SMUG1: variants seen among roughly 807,000 people sequenced by gnomAD.
The protein encoded by SMUG1 is single-strand-selective monofunctional uracil-DNA glycosylase 1, also known as single-strand selective monofunctional uracil DNA glycosylase.
In SMUG1, 13 loss-of-function variants were observed where a neutral mutation model predicts 23.9. The ratio of observed to expected loss-of-function variants is 0.54; its 90% CI spans 0.35 to 0.86. SMUG1 has a LOEUF of 0.86. SMUG1 is among the 40% of genes least tolerant of loss of function. The probability of loss-of-function intolerance (pLI) is 0.01; values close to 1 mark genes in which losing one functional copy is unlikely to be tolerated. For synonymous variants in SMUG1, 133 were observed against 139.8 expected, an observed-to-expected ratio of 0.95 and a Z score of 0.34; for missense variants, 313 against 339.5, an observed-to-expected ratio of 0.92 and a Z score of 0.61.
intron 3 of SMUG1, among the ~76,000 whole-genome samples, chr12:54,166,229 C>T (rs560253787): frequency 1.2e-3 from 190 of 152,220 alleles, no homozygotes; most frequent in African/African-American, 4.4e-3. Flanking sequence ...GACGTGGTGG[C>T]GGGAGCCTGT....
chr12:54,183,901 C>T lies in SMUG1; in HGVS notation c.40G>A (p.Ala14Thr), dbSNP rs754218312. Residue 14 changes from alanine to threonine, a missense_variant, in exon 3 of 4, where the codon GCA becomes ACA. Coordinates refer to ENST00000682136, the MANE Select transcript of SMUG1 (RefSeq NM_001243787.2). Reference protein sequence around the residue: ...AFLLGSIHEPAGALMEPQPCP... With the variant: ...AFLLGSIHEPTGALMEPQPCP... The stretch of plus-strand genomic sequence containing the variant: ...GGCTGGGGCTCCATGAGGGCACCTG[C>T]AGGCTCATGGATGGACCCCAGCAGG... 85 of 1,603,400 alleles carry T rather than the reference C, an allele frequency of 5.3e-5. No homozygotes were observed. The East Asian group carries it at 1.8e-3, about 35-fold the overall frequency.
At chr12:54,186,351 T>TTTTG (rs1309637934) in intron 2 of SMUG1, among the ~76,000 whole-genome samples, 2 of 25,888 alleles carry the variant, frequency 7.7e-5, no homozygotes, top group East Asian at 1.1e-3. Context: ...TTTTGTTTTG[T>TTTTG]TTTTTTTTTG....
intron 3 of SMUG1, among the ~76,000 whole-genome samples, chr12:54,169,402 G>A (rs1199351389): frequency 6.6e-6 from 1 of 152,088 alleles, no homozygotes; most frequent in Admixed American, 6.5e-5. Flanking sequence ...ATGAATGAGG[G>A]ATGGGGAAGA....
rs140406015 is a variant in SMUG1 at position 54,165,882 on chromosome 12, A to G, written c.*53-404T>C. 4.6e-5 allele frequency among the ~76,000 whole-genome samples: 7 copies of G among 152,298 alleles called. No individual in the cohort carries two copies. In the East Asian group the frequency reaches 1.3e-3, roughly 29 times the overall value. ...GTAGCTTAAAAGCCTCTTCGCCTAC[A>G]CCAGAAATAAACTGAGCACCTACTA... is the stretch of plus-strand genomic sequence containing the variant. On this transcript the variant is annotated intron_variant and NMD_transcript_variant, in intron 3 of 4. Transcript: ENST00000509864.
intron 1 of SMUG1, chr12:54,188,692 C>T (rs1363228865): frequency 6.6e-6 from 1 of 152,126 alleles, no homozygotes; most frequent in Non-Finnish European, 1.5e-5. Context: ...CATCTGGTTC[C>T]AAAGGGGCCG....
intron 3 of SMUG1, among the ~76,000 whole-genome samples, chr12:54,171,592 A>G (rs1490181480): frequency 6.9e-6 from 1 of 144,140 alleles, no homozygotes; most frequent in African/African-American, 2.6e-5. Flanking sequence ...CCGGAGGCTG[A>G]GGCAGAATTG....
At chr12:54,160,833 C>T (rs1940230821), downstream of SMUG1, among the ~76,000 whole-genome samples, 1 of 152,242 alleles carries the variant, frequency 6.6e-6, no homozygotes, top group African/African-American at 2.4e-5. Flanking sequence ...GTCTCTCAGC[C>T]CTGCTGGACA....
At chr12:54,176,996 C>T (rs900583730), downstream of SMUG1, among the ~76,000 whole-genome samples, 5 of 152,050 alleles carry the variant, frequency 3.3e-5, no homozygotes, top group Non-Finnish European at 7.4e-5. Context: ...CTTGAAATAC[C>T]ATCACTAGGC....
chr12:54,185,516 ATAAATAAAT>A, intron 2 of SMUG1, among the ~76,000 whole-genome samples: 3 of 101,770 alleles, frequency 2.9e-5, no homozygotes, highest in African/African-American at 6.6e-5. Context: ...AAATAAATAA[ATAAATAAAT>A]AAATTTGCCG....
chr12:54,179,552 G>A (rs1940837473), downstream of SMUG1, among the ~76,000 whole-genome samples: 2 of 152,150 alleles, frequency 1.3e-5, no homozygotes, highest in Non-Finnish European at 2.9e-5. Flanking sequence ...AGAAGGAAAG[G>A]AGTCTATGGC....
chr12:54,176,738 C>T (rs374591841), downstream of SMUG1, among the ~76,000 whole-genome samples: 2 of 148,252 alleles, frequency 1.3e-5, no homozygotes, highest in Non-Finnish European at 3.0e-5. Flanking sequence ...ACCCGGGAAG[C>T]GGAGCTTGCA....
chr12:54,181,994 C>T lies in SMUG1; in HGVS notation c.*102G>A. 6.6e-7 allele frequency: 1 copy of T among 1,507,752 alleles called. No homozygotes were observed. Among genetic ancestry groups the T allele is most frequent in the Non-Finnish European group, 8.8e-7 (1 of 1,130,478 alleles). 93.4% of individuals were successfully genotyped at this position (1,507,752 alleles called of 1,614,324 possible). A position where few individuals can be genotyped will look rare whatever the true frequency, so the allele number is the denominator to read the frequency against. On this transcript the variant is annotated 3_prime_UTR_variant, in exon 4 of 4. Coordinates refer to ENST00000682136, the MANE Select transcript of SMUG1 (RefSeq NM_001243787.2). The stretch of plus-strand genomic sequence containing the variant: ...TACGTTTCCCAGCGACCAGGGTGCA[C>T]AGAAGGACCTTTTGCTCCAGTCCAG...
intron 2 of SMUG1, 87 bp from the exon 3 acceptor site, chr12:54,184,046 T>G (rs542333333): frequency 8.4e-7 from 1 of 1,192,942 alleles, no homozygotes; most frequent in Admixed American, 2.9e-5. Flanking sequence ...CACTACCATT[T>G]CCTGGGCTCA....
chr12:54,184,905 T>C (rs1399508656), intron 2 of SMUG1, among the ~76,000 whole-genome samples: 3 of 152,260 alleles, frequency 2.0e-5, no homozygotes, highest in Admixed American at 2.0e-4. Context: ...GGCTCATGCC[T>C]GTAATCCCAG....
chr12:54,181,964 A>T lies in SMUG1; in HGVS notation c.*132T>A, dbSNP rs1007820452. ...GGTTGGAAGACAGTTCAACAGATCA[A>T]AGAATACGTTTCCCAGCGACCAGGG... On this transcript the variant is annotated 3_prime_UTR_variant, in exon 4 of 4. Coordinates refer to ENST00000682136, the MANE Select transcript of SMUG1 (RefSeq NM_001243787.2). 6.7e-7 allele frequency: 1 copy of T among 1,499,270 alleles called. No individual in the cohort carries two copies. Among genetic ancestry groups the T allele is most frequent in the Non-Finnish European group, 8.9e-7 (1 of 1,127,188 alleles). 92.9% of individuals were successfully genotyped at this position (1,499,270 alleles called of 1,614,324 possible). A position where few individuals can be genotyped will look rare whatever the true frequency, so the allele number is the denominator to read the frequency against.
At chr12:54,171,976 C>T in intron 3 of SMUG1, 1 of 422,912 alleles carries the variant, frequency 2.4e-6, no homozygotes, top group Non-Finnish European at 5.0e-6. Flanking sequence ...GACCACTCCT[C>T]ATCACCTCTG....
exon 3 of SMUG1, chr12:54,172,031 C>A (rs777421645): frequency 4.4e-6 from 2 of 453,346 alleles, no homozygotes; most frequent in Admixed American, 2.4e-5. Flanking sequence ...TTACCTGATA[C>A]TGCAATCAGC....
chr12:54,187,589 G>A (rs1382974422), intron 2 of SMUG1, among the ~76,000 whole-genome samples: 1 of 152,196 alleles, frequency 6.6e-6, no homozygotes, highest in Non-Finnish European at 1.5e-5. Flanking sequence ...GCAAGGCTGG[G>A]GAAAAGAGTG....
chr12:54,171,838 T>C (rs1490669255), intron 3 of SMUG1, among the ~76,000 whole-genome samples: 1 of 152,076 alleles, frequency 6.6e-6, no homozygotes, highest in Non-Finnish European at 1.5e-5. Context: ...TTTCCCCATA[T>C]CAGTTGATGG....
Sources: allele counts gnomAD v4.1 joint callset (sites outside exome capture counted in the v4.1 genomes callset), GRCh38; gene constraint gnomAD v4.1.1; transcripts MANE v1.5; gene names NCBI Gene and HGNC (gene_info 2026-07-23, HGNC 2026-07-21).